Variants in GOLGA8A observed in about 807,000 individuals in gnomAD.
GOLGA8A encodes golgin subfamily A member 8A.
GOLGA8A carries 3 observed loss-of-function variants against 22.1 expected under a neutral mutation model. That is an observed-to-expected ratio of 0.14 (90% CI 0.06 to 0.35). The LOEUF is 0.35. Among genes scored for constraint, GOLGA8A ranks in the 10% least tolerant of loss-of-function variants. The pLI, the probability that GOLGA8A is intolerant of heterozygous loss-of-function variation, is 1.00. For synonymous variants in GOLGA8A, 7 were observed against 91.7 expected, an observed-to-expected ratio of 0.08 and a Z score of 5.28; for missense variants, 16 against 233.2, an observed-to-expected ratio of 0.07 and a Z score of 6.07.
At chr15:34,428,939 T>C (rs57547481) in intron 2 of GOLGA8A, 25,641 of 144,168 alleles carry the variant, frequency 0.18, 3,958 homozygotes, top group South Asian at 0.37. Flanking sequence ...ATAAAACGTC[T>C]GCACTAGCAA....
chr15:34,393,073 C>T (rs1891820922), intron 8 of GOLGA8A, among the ~76,000 whole-genome samples: 1 of 147,804 alleles, frequency 6.8e-6, no homozygotes, highest in African/African-American at 2.6e-5. Context: ...GGCACTTAAG[C>T]TGTAGAAAAG....
intron 1 of GOLGA8A, among the ~76,000 whole-genome samples, chr15:34,436,993 G>A (rs1359733561): frequency 1.3e-5 from 2 of 149,398 alleles, no homozygotes; most frequent in Non-Finnish European, 3.0e-5. Context: ...GGGACTTGAT[G>A]CCGGCGCCAA....
intron 2 of GOLGA8A, among the ~76,000 whole-genome samples, chr15:34,421,662 G>A (rs1385708146): frequency 1.4e-5 from 2 of 143,682 alleles, no homozygotes; most frequent in Admixed American, 1.5e-4. Context: ...TAACCCCACT[G>A]AGATGAAAAG....
At chr15:34,428,249 A>C (rs1893070303) in intron 2 of GOLGA8A, among the ~76,000 whole-genome samples, 1 of 147,218 alleles carries the variant, frequency 6.8e-6, no homozygotes, top group African/African-American at 2.5e-5. Context: ...GTGAGCCACC[A>C]CATCTGGCTA....
rs200720863 is a variant in GOLGA8A, at chr15:34,427,737, A to C, written c.-1123+7646T>G. ...GGCTTGGTTTCAACCTATTTGCCAA[A>C]TCACCAGCAAAACAAGACATGTTCA... On this transcript the variant is annotated intron_variant, in intron 2 of 24. Coordinates refer to ENST00000359187, the MANE Select transcript of GOLGA8A (RefSeq NM_181077.5). Among the ~76,000 whole-genome samples, 21 of 148,492 alleles carry C rather than the reference A, an allele frequency of 1.4e-4. 2 individuals are homozygous for C. In the East Asian group the frequency reaches 3.8e-3, roughly 27 times the overall value.
At position 34,430,119 on chromosome 15, in the gene GOLGA8A, T is replaced by C. The variant is rs144297539; in HGVS notation, c.-1123+5264A>G. The stretch of plus-strand genomic sequence containing the variant: ...AGTGCTGATTAAGCACAGGCACGCC[T>C]GTGATCAAGAAGAAAACCATTACTT... On this transcript the variant is annotated intron_variant, in intron 2 of 24. Transcript: ENST00000359187. Among the ~76,000 whole-genome samples, 1,354 of 148,488 alleles carry C rather than the reference T, an allele frequency of 9.1e-3. 114 individuals are homozygous for C. The highest frequency in any genetic ancestry group is 0.032 in the African/African-American group (1,274 of 40,314).
intron 2 of GOLGA8A, among the ~76,000 whole-genome samples, chr15:34,432,587 T>C (rs1893307631): frequency 6.7e-6 from 1 of 149,322 alleles, no homozygotes; most frequent in South Asian, 2.1e-4. Context: ...ACACACAGAA[T>C]TGCCCGATGA....
chr15:34,430,857 G>A (rs565048061), intron 2 of GOLGA8A, among the ~76,000 whole-genome samples: 1 of 149,722 alleles, frequency 6.7e-6, no homozygotes, highest in Non-Finnish European at 1.5e-5. Flanking sequence ...TGGCTCACAC[G>A]TGGAGGCAGA....
At chr15:34,425,337 C>T (rs1252433281) in intron 2 of GOLGA8A, among the ~76,000 whole-genome samples, 1 of 146,230 alleles carries the variant, frequency 6.8e-6, no homozygotes, top group Non-Finnish European at 1.5e-5. Flanking sequence ...GACAAACCTG[C>T]CAAAACAGAG....
At position 34,381,230 on chromosome 15, in the gene GOLGA8A, C is replaced by T. The variant is rs2655337; in HGVS notation, c.*181G>A. 3.8e-6 allele frequency: 4 copies of T among 1,054,528 alleles called. No individual in the cohort carries two copies. The highest frequency in any genetic ancestry group is 1.4e-6 in the Non-Finnish European group (1 of 725,352). 65.3% of individuals were successfully genotyped at this position (1,054,528 alleles called of 1,614,324 possible). ...ATGCCAGAGTGAACATCAGTGAGAG[C>T]CACAGAGACCCACTCTCTTTTAACT... On this transcript the variant is annotated 3_prime_UTR_variant, in exon 25 of 25. Transcript: ENST00000359187.
intron 2 of GOLGA8A, among the ~76,000 whole-genome samples, chr15:34,423,888 G>A (rs1211155888): frequency 6.7e-6 from 1 of 149,182 alleles, no homozygotes. Flanking sequence ...GCACCCAGGG[G>A]GCCACCACCA....
rs1321309487 is a variant in GOLGA8A at position 34,380,987 on chromosome 15, A to C, written c.*424T>G. On this transcript the variant is annotated 3_prime_UTR_variant, in exon 25 of 25. Coordinates refer to ENST00000359187, the MANE Select transcript of GOLGA8A (RefSeq NM_181077.5). The stretch of plus-strand genomic sequence containing the variant: ...CACTGTGATTAAGATGAGATCAAAC[A>C]TCATAGCAGAACATTAGCAAATTTT... 2.9e-6 allele frequency: 1 copy of C among 340,230 alleles called. No homozygotes were observed. Among genetic ancestry groups the C allele is most frequent in the Non-Finnish European group, 5.6e-6 (1 of 177,008 alleles). 21.1% of individuals were successfully genotyped at this position (340,230 alleles called of 1,614,324 possible).
rs1893603631 is a variant in GOLGA8A, at chr15:34,437,525, CCG to C, written c.-1341_-1340del. On this transcript the variant is annotated 5_prime_UTR_variant, in exon 1 of 25. Coordinates refer to ENST00000359187, the MANE Select transcript of GOLGA8A (RefSeq NM_181077.5). ...CGTCCTCGCCGCGCCGCCGTCCTCG[CCG>C]CGCCGCCGTCCTCGCCGCGCCGCCG... 1.0e-4 allele frequency: 1 copy of C among 9,648 alleles called. No individual in the cohort carries two copies. The highest frequency in any genetic ancestry group is 1.8e-4 in the Non-Finnish European group (1 of 5,460). The allele number at this position is 9,648 out of a possible 1,614,324, so 0.6% of individuals were successfully genotyped here.
At chr15:34,397,142 T>TTTTG (rs1566905121) in intron 8 of GOLGA8A, among the ~76,000 whole-genome samples, 1 of 46,442 alleles carries the variant, frequency 2.2e-5, no homozygotes, top group African/African-American at 9.6e-5. Flanking sequence ...CTTTTTTTTT[T>TTTTG]GGTGGTGGTG....
intron 2 of GOLGA8A, among the ~76,000 whole-genome samples, chr15:34,431,523 C>T (rs989999775): frequency 1.4e-5 from 2 of 147,592 alleles, no homozygotes; most frequent in African/African-American, 5.0e-5. Flanking sequence ...CTACAACACA[C>T]TAGGTTATAG....
intron 2 of GOLGA8A, among the ~76,000 whole-genome samples, chr15:34,432,825 C>T (rs1308730064): frequency 2.7e-5 from 4 of 149,084 alleles, no homozygotes. Flanking sequence ...GCCGCCTCTG[C>T]ATTCTCTCAC....
chr15:34,429,908 G>C (rs1893153342), intron 2 of GOLGA8A, among the ~76,000 whole-genome samples: 1 of 147,972 alleles, frequency 6.8e-6, no homozygotes, highest in African/African-American at 2.5e-5. Context: ...ATTAGATTAA[G>C]CCACCCTATG....
At chr15:34,432,072 A>G (rs1966539) in intron 2 of GOLGA8A, among the ~76,000 whole-genome samples, 14,046 of 149,210 alleles carry the variant, frequency 0.094, 1,758 homozygotes, top group South Asian at 0.25. Context: ...CTCTCTGCAC[A>G]GTTGATTCTA....
rs1892904004 is a variant in GOLGA8A, at chr15:34,424,487, A to G, written c.-1123+10896T>C. On this transcript the variant is annotated intron_variant, in intron 2 of 24. Transcript: ENST00000359187. Reference sequence around the variant, plus strand: ...TTACATCACCAGAGAGACTGAAGCAAGGTGGGCAGGCAGTCCACAAATTTA... The same window carrying G: ...TTACATCACCAGAGAGACTGAAGCAGGGTGGGCAGGCAGTCCACAAATTTA... Among the ~76,000 whole-genome samples, 2 of 146,652 alleles carry G rather than the reference A, an allele frequency of 1.4e-5. 1 individual carries two copies. Among genetic ancestry groups the G allele is most frequent in the Non-Finnish European group, 3.0e-5 (2 of 66,360 alleles).
Sources: allele counts gnomAD v4.1 joint callset (sites outside exome capture counted in the v4.1 genomes callset), GRCh38; gene constraint gnomAD v4.1.1; transcripts MANE v1.5; gene names NCBI Gene and HGNC (gene_info 2026-07-23, HGNC 2026-07-21).